Variants in C1QTNF4 observed in about 807,000 individuals in gnomAD.
The protein encoded by C1QTNF4 is C1q and TNF related 4, also known as complement C1q tumor necrosis factor-related protein 4.
In C1QTNF4, 12 loss-of-function variants were observed where a neutral mutation model predicts 14.6. The ratio of observed to expected loss-of-function variants is 0.82; its 90% CI spans 0.53 to 1.33. The LOEUF (loss-of-function observed/expected upper bound fraction) is 1.33, where lower values mean the gene tolerates loss of function less well. Ranked by LOEUF, C1QTNF4 falls within the 40% of genes most tolerant of loss-of-function variation. The pLI, the probability that C1QTNF4 is intolerant of heterozygous loss-of-function variation, is 0.00. For missense variants in C1QTNF4, 558 were observed against 500.3 expected, an observed-to-expected ratio of 1.12 and a Z score of -1.10; for synonymous variants, 278 against 246.6, an observed-to-expected ratio of 1.13 and a Z score of -1.19.
At position 47,590,490 on chromosome 11, in the gene C1QTNF4, G is replaced by T; in HGVS notation, c.321C>A (p.Asp107Glu). The change falls in exon 2 of 2, where the codon GAC becomes GAA. Residue 107 changes from aspartate to glutamate, a missense_variant. Coordinates refer to ENST00000302514, the MANE Select transcript of C1QTNF4 (RefSeq NM_031909.3). ...GCCGCGCGCCTGGCCGCCGCTGCTC[G>T]TCGAAGGCCAGCGCCTGCACCTCGT... ...NRDEVQALAF[D>E]EQRRPGARRA... The T allele has an allele frequency of 1.3e-6, 2 of 1,549,732 alleles. No individual in the cohort carries two copies. Among genetic ancestry groups the T allele is most frequent in the Non-Finnish European group, 1.7e-6 (2 of 1,149,370 alleles).
upstream of C1QTNF4, chr11:47,594,668 G>C (rs942992176): frequency 6.8e-6 from 1 of 148,120 alleles, no homozygotes; most frequent in Non-Finnish European, 1.5e-5. Flanking sequence ...CTAGTGTGGG[G>C]AGAGAGGGCT....
upstream of C1QTNF4, chr11:47,594,431 G>GGGA (rs2097277135): frequency 6.6e-6 from 1 of 152,332 alleles, no homozygotes; most frequent in African/African-American, 2.4e-5. Flanking sequence ...AGACGGGAGG[G>GGGA]GGAGAGGAGG....
chr11:47,589,787 C>G lies in C1QTNF4; in HGVS notation c.*34G>C. 6.8e-7 allele frequency: 1 copy of G among 1,473,552 alleles called. No individual in the cohort carries two copies. Among genetic ancestry groups the G allele is most frequent in the Non-Finnish European group, 9.0e-7 (1 of 1,112,104 alleles). The allele number at this position is 1,473,552 out of a possible 1,614,324, so 91.3% of individuals were successfully genotyped here. On this transcript the variant is annotated 3_prime_UTR_variant, in exon 2 of 2. Transcript: ENST00000302514. ...TCCGGCCCGGCCTGGCATGCACGCC[C>G]CTGGCCCTCCCGGGCTCTTCTCTGG...
At chr11:47,595,244 G>T (rs983117814), upstream of C1QTNF4, among the ~76,000 whole-genome samples, 1 of 152,220 alleles carries the variant, frequency 6.6e-6, no homozygotes. Context: ...CTAGGCTGCT[G>T]TTCTCTCCCC....
At position 47,590,455 on chromosome 11, in the gene C1QTNF4, C is replaced by A. The variant is rs1357529287; in HGVS notation, c.356G>T (p.Ser119Ile). 4.0e-6 allele frequency: 6 copies of A among 1,517,024 alleles called. No homozygotes were observed. Among genetic ancestry groups the A allele is most frequent in the Admixed American group, 2.1e-5 (1 of 47,502 alleles). 94.0% of individuals were successfully genotyped at this position (1,517,024 alleles called of 1,614,324 possible). A position where few individuals can be genotyped will look rare whatever the true frequency, so the allele number is the denominator to read the frequency against. The stretch of plus-strand genomic sequence containing the variant: ...GTCGAGCTGCAGCATGGCGCTCTGG[C>A]TGGCTGCGCGCCGCGCGCCTGGCCG... ...QRRPGARRAA[S>I]QSAMLQLDYG... Residue 119 changes from serine to isoleucine, a missense_variant, in exon 2 of 2, where the codon AGC (serine) becomes ATC (isoleucine). Ser to Ile is a moderately radical substitution (Grantham distance 142). Coordinates refer to ENST00000302514, the MANE Select transcript of C1QTNF4 (RefSeq NM_031909.3).
chr11:47,593,736 G>A (rs1219996873), intron 1 of C1QTNF4, among the ~76,000 whole-genome samples: 1 of 152,034 alleles, frequency 6.6e-6, no homozygotes, highest in East Asian at 1.9e-4. Context: ...CTGGGACACA[G>A]AGCTGGAGAG....
chr11:47,592,905 G>C (rs578124107), intron 1 of C1QTNF4, among the ~76,000 whole-genome samples: 5 of 152,294 alleles, frequency 3.3e-5, no homozygotes, highest in Non-Finnish European at 7.4e-5. Flanking sequence ...ACTGAATGCT[G>C]TCTCCTTCCA....
chr11:47,594,578 C>G (rs1330095918), upstream of C1QTNF4: 1 of 153,144 alleles, frequency 6.5e-6, no homozygotes, highest in East Asian at 1.9e-4. Flanking sequence ...CATCATTAAT[C>G]TGAGCAGTTG....
At chr11:47,593,429 G>C (rs893379095) in intron 1 of C1QTNF4, among the ~76,000 whole-genome samples, 1 of 152,104 alleles carries the variant, frequency 6.6e-6, no homozygotes, top group Admixed American at 6.5e-5. Flanking sequence ...TTTCCATACC[G>C]CTGCTTTCCT....
At chr11:47,592,896 C>T (rs1349290438) in intron 1 of C1QTNF4, among the ~76,000 whole-genome samples, 1 of 152,206 alleles carries the variant, frequency 6.6e-6, no homozygotes, top group East Asian at 1.9e-4. Context: ...TGCTAGCCAA[C>T]TGAATGCTGT....
At position 47,590,572 on chromosome 11, in the gene C1QTNF4, AAGG is replaced by A. The variant is rs1387851271; in HGVS notation, c.236_238del (p.Ser79del). The A allele has an allele frequency of 3.1e-6, 5 of 1,604,108 alleles. No homozygotes were observed. Among genetic ancestry groups the A allele is most frequent in the Non-Finnish European group, 4.3e-6 (5 of 1,176,244 alleles). ...CTTGTGCGGGGCCTTGCCAGCCGTG[AAGG>A]AGAAGAAGTAGGCGCCGGGCACGCG... On this transcript the variant is annotated inframe_deletion, in exon 2 of 2. Coordinates refer to ENST00000302514, the MANE Select transcript of C1QTNF4 (RefSeq NM_031909.3).
chr11:47,592,465 G>A (rs901784359), intron 1 of C1QTNF4, among the ~76,000 whole-genome samples: 1 of 152,154 alleles, frequency 6.6e-6, no homozygotes, highest in African/African-American at 2.4e-5. Context: ...TCTGTCGGTT[G>A]CCCTGACAAA....
In C1QTNF4 at chr11:47,590,489, C is replaced by T; in HGVS notation, c.322G>A (p.Glu108Lys). 1 of 1,547,950 alleles carries T rather than the reference C, an allele frequency of 6.5e-7. No individual in the cohort carries two copies. The highest frequency in any genetic ancestry group is 8.7e-7 in the Non-Finnish European group (1 of 1,148,466). ...CGCCGCGCGCCTGGCCGCCGCTGCT[C>T]GTCGAAGGCCAGCGCCTGCACCTCG... ...RDEVQALAFD[E>K]QRRPGARRAA... is the part of the protein sequence containing the mutation. Residue 108 changes from glutamate (E) to lysine (K), a missense_variant, in exon 2 of 2, where the codon GAG (glutamate) becomes AAG (lysine). Transcript: ENST00000302514.
rs1280259556 is a variant in C1QTNF4 at position 47,590,377 on chromosome 11, C to T, written c.434G>A (p.Gly145Asp). 8.4e-6 allele frequency: 12 copies of T among 1,435,842 alleles called. No individual in the cohort carries two copies. Among genetic ancestry groups the T allele is most frequent in the Non-Finnish European group, 1.0e-5 (11 of 1,104,254 alleles). The allele number at this position is 1,435,842 out of a possible 1,614,324, so 88.9% of individuals were successfully genotyped here. Reference protein sequence around the residue: ...RLHGAPQYALGAPGATFSGYL... With the variant: ...RLHGAPQYALDAPGATFSGYL... ...GCCGCTGAAGGTGGCGCCGGGCGCGCCTAGCGCGTACTGCGGGGCGCCATG... is the reference window on the plus strand; with the variant it reads ...GCCGCTGAAGGTGGCGCCGGGCGCGTCTAGCGCGTACTGCGGGGCGCCATG... Residue 145 changes from glycine to aspartate, a missense_variant, in exon 2 of 2, where the codon GGC (glycine) becomes GAC (aspartate). Transcript: ENST00000302514.
Position 47,589,859 on chromosome 11 carries a change from C to T in C1QTNF4, c.952G>A (p.Ala318Thr), listed in dbSNP as rs2153795942. The T allele has an allele frequency of 6.5e-7, 1 of 1,549,440 alleles. No homozygotes were observed. The highest frequency in any genetic ancestry group is 2.5e-5 in the East Asian group (1 of 40,728). The change falls in exon 2 of 2, where the codon GCC becomes ACC. Residue 318 changes from alanine to threonine, a missense_variant. Coordinates refer to ENST00000302514, the MANE Select transcript of C1QTNF4 (RefSeq NM_031909.3). ...GFLVYPDLAP[A>T]APPGLGASEL... is the part of the protein sequence containing the mutation. ...GAGGCCCCGAGGCCCGGCGGGGCGG[C>T]GGGGGCGAGGTCGGGGTACACCAGG...
rs1262020112 is a variant in C1QTNF4 at position 47,591,574 on chromosome 11, G to A, written c.-5-759C>T. 2.0e-5 allele frequency among the ~76,000 whole-genome samples: 3 copies of A among 151,168 alleles called. No individual in the cohort carries two copies. The East Asian group carries it at 5.8e-4, about 29-fold the overall frequency. On this transcript the variant is annotated intron_variant, in intron 1 of 1. Transcript: ENST00000302514. ...CCAGCTAATTTTTGTATTTTTAGTA[G>A]AGACAGGGTTTCACCATGTTGGCCA...
chr11:47,593,362 C>A (rs2097276523), intron 1 of C1QTNF4, among the ~76,000 whole-genome samples: 1 of 152,200 alleles, frequency 6.6e-6, no homozygotes, highest in African/African-American at 2.4e-5. Context: ...CAAACAAAAG[C>A]AAGCAAACAC....
rs750448411 is a variant in C1QTNF4, at chr11:47,590,704, C to T, written c.107G>A (p.Arg36His). 1.2e-6 allele frequency: 2 copies of T among 1,610,960 alleles called. No individual in the cohort carries two copies. The highest frequency in any genetic ancestry group is 1.7e-6 in the Non-Finnish European group (2 of 1,179,310). The change falls in exon 2 of 2, where the codon CGC (arginine) becomes CAC (histidine). Residue 36 changes from arginine (R) to histidine (H), a missense_variant. By Grantham distance (29) the Arg-to-His change is conservative. Transcript: ENST00000302514. ...CGACGTGCCCTCCAGGGGGGTGGTG[C>T]GTGCCGCCGAGAAGGCCGAGCGCAG... The part of the protein sequence containing the change: ...SELRSAFSAA[R>H]TTPLEGTSEM...
At position 47,589,743 on chromosome 11, in the gene C1QTNF4, C is replaced by A; in HGVS notation, c.*78G>T. Reference sequence around the variant, plus strand: ...AGGCGCGCCCGGAGGCCGTGGCGCTCGCGCGGGACTTTCGAGCCTCCGGCC... The same window carrying A: ...AGGCGCGCCCGGAGGCCGTGGCGCTAGCGCGGGACTTTCGAGCCTCCGGCC... On this transcript the variant is annotated 3_prime_UTR_variant, in exon 2 of 2. Coordinates refer to ENST00000302514, the MANE Select transcript of C1QTNF4 (RefSeq NM_031909.3). 1 of 1,349,700 alleles carries A rather than the reference C, an allele frequency of 7.4e-7. No individual in the cohort carries two copies. Among genetic ancestry groups the A allele is most frequent in the South Asian group, 1.6e-5 (1 of 62,980 alleles). 83.6% of individuals were successfully genotyped at this position (1,349,700 alleles called of 1,614,324 possible).
Sources: allele counts gnomAD v4.1 joint callset (sites outside exome capture counted in the v4.1 genomes callset), GRCh38; gene constraint gnomAD v4.1.1; transcripts MANE v1.5; gene names NCBI Gene and HGNC (gene_info 2026-07-23, HGNC 2026-07-21).